PKP4: variants seen among roughly 807,000 people sequenced by gnomAD.
PKP4 encodes the protein plakophilin 4.
A neutral mutation model predicts 145.1 loss-of-function variants in PKP4; 90 were observed. The observed-to-expected ratio is 0.62, with a 90% CI of 0.52 to 0.74. The LOEUF (loss-of-function observed/expected upper bound fraction) is 0.74. Ranked by LOEUF, PKP4 falls within the 30% of genes least tolerant of loss-of-function variation. The pLI, the probability that PKP4 is intolerant of heterozygous loss-of-function variation, is 0.00. For synonymous variants in PKP4, 563 were observed against 577.2 expected (o/e 0.98, Z 0.35); for missense variants, 1,340 against 1,482.7 (o/e 0.90, Z 1.58).
intron 17 of PKP4, among the ~76,000 whole-genome samples, chr2:158,670,986 A>G (rs2057507757): frequency 6.6e-6 from 1 of 152,152 alleles, no homozygotes; most frequent in Non-Finnish European, 1.5e-5. Context: ...CCACAGTAGC[A>G]TGGCAGCCCT....
At chr2:158,504,336 G>T (rs1367780399) in intron 1 of PKP4, among the ~76,000 whole-genome samples, 1 of 152,172 alleles carries the variant, frequency 6.6e-6, no homozygotes, top group Non-Finnish European at 1.5e-5. Flanking sequence ...ATGCTGGAAT[G>T]AACAAATGAA....
intron 16 of PKP4, among the ~76,000 whole-genome samples, chr2:158,668,795 GTCT>G (rs1391553821): frequency 2.0e-5 from 3 of 152,150 alleles, no homozygotes; most frequent in Admixed American, 6.5e-5. Flanking sequence ...GCTGAGACCT[GTCT>G]TCTTCTGCTT....
chr2:158,537,655 A>G (rs920612014), intron 2 of PKP4, among the ~76,000 whole-genome samples: 3 of 152,200 alleles, frequency 2.0e-5, no homozygotes. Flanking sequence ...GAAAGGAGGA[A>G]TCTCCTAATA....
intron 2 of PKP4, among the ~76,000 whole-genome samples, chr2:158,546,239 CT>C (rs1319417374): frequency 6.6e-6 from 1 of 152,078 alleles, no homozygotes; most frequent in African/African-American, 2.4e-5. Flanking sequence ...GCCATATGTT[CT>C]TTTCCCAATT....
chr2:158,663,157 C>T (rs1490446865), intron 14 of PKP4, 69 bp downstream of exon 14: 3 of 1,509,254 alleles, frequency 2.0e-6, no homozygotes, highest in Non-Finnish European at 2.7e-6. Context: ...ACATATTTGG[C>T]AAGAAAATAA....
intron 3 of PKP4, among the ~76,000 whole-genome samples, chr2:158,578,727 T>C (rs537077278): frequency 1.3e-5 from 2 of 152,204 alleles, no homozygotes; most frequent in Non-Finnish European, 2.9e-5. Flanking sequence ...GTACTTCTTA[T>C]TCTGGCAATA....
intron 2 of PKP4, chr2:158,533,663 G>T: frequency 2.8e-6 from 1 of 360,972 alleles, no homozygotes; most frequent in Non-Finnish European, 5.4e-6. Context: ...GGCAACCTGA[G>T]GCCTGTAATA....
chr2:158,571,137 C>T (rs1427209874), intron 2 of PKP4, among the ~76,000 whole-genome samples: 1 of 152,102 alleles, frequency 6.6e-6, no homozygotes, highest in Non-Finnish European at 1.5e-5. Flanking sequence ...TCTTAATTGT[C>T]GTCATCATAA....
At chr2:158,574,524 C>T (rs1181045635) in intron 2 of PKP4, among the ~76,000 whole-genome samples, 1 of 152,178 alleles carries the variant, frequency 6.6e-6, no homozygotes, top group Non-Finnish European at 1.5e-5. Context: ...CCAGTAGAGA[C>T]TGAATTATCA....
At chr2:158,639,970 AACT>A (rs531839600) in intron 9 of PKP4, among the ~76,000 whole-genome samples, 89 of 152,350 alleles carry the variant, frequency 5.8e-4, no homozygotes, top group Non-Finnish European at 1.1e-3. Context: ...ATGAAATATT[AACT>A]ACTATTTAAT....
At chr2:158,473,385 G>A (rs1691911791) in intron 1 of PKP4, among the ~76,000 whole-genome samples, 1 of 152,114 alleles carries the variant, frequency 6.6e-6, no homozygotes, top group Admixed American at 6.5e-5. Flanking sequence ...ACTATTCATA[G>A]TAACAAAGAC....
At chr2:158,521,329 A>G (rs1243765665) in intron 1 of PKP4, among the ~76,000 whole-genome samples, 2 of 152,192 alleles carry the variant, frequency 1.3e-5, no homozygotes, top group African/African-American at 4.8e-5. Flanking sequence ...AAGGTTGAGA[A>G]CTTCATTATT....
intron 4 of PKP4, among the ~76,000 whole-genome samples, 182 bp from the exon 5 acceptor site, chr2:158,620,808 G>A (rs977876178): frequency 2.6e-5 from 4 of 152,198 alleles, no homozygotes; most frequent in Non-Finnish European, 4.4e-5. Context: ...ATATATTAAT[G>A]AAGTATAAGT....
intron 1 of PKP4, among the ~76,000 whole-genome samples, chr2:158,520,265 TA>T (rs1384030733): frequency 6.6e-6 from 1 of 152,194 alleles, no homozygotes. Context: ...TGTTATATGT[TA>T]ACCGTGTGTT....
At chr2:158,668,779 C>T (rs1388328913) in intron 16 of PKP4, among the ~76,000 whole-genome samples, 2 of 152,222 alleles carry the variant, frequency 1.3e-5, no homozygotes, top group Non-Finnish European at 2.9e-5. Flanking sequence ...CATCACACAG[C>T]ATGTAGCTGA....
At chr2:158,603,784 C>G (rs950140486) in intron 4 of PKP4, among the ~76,000 whole-genome samples, 14 of 152,198 alleles carry the variant, frequency 9.2e-5, no homozygotes, top group Non-Finnish European at 1.5e-4. Context: ...ATGGAGCTTA[C>G]ATCGTAATCA....
chr2:158,650,709 G>A (rs76017806), intron 11 of PKP4, among the ~76,000 whole-genome samples: 1,717 of 152,312 alleles, frequency 0.011, 29 homozygotes, highest in African/African-American at 0.038. Flanking sequence ...TTCCCACTGC[G>A]CTGAAAGCTG....
chr2:158,605,714 T>G (rs1171079874), intron 4 of PKP4, among the ~76,000 whole-genome samples: 1 of 152,200 alleles, frequency 6.6e-6, no homozygotes, highest in Non-Finnish European at 1.5e-5. Flanking sequence ...TATTCTGACT[T>G]GTGCATCTAT....
At chr2:158,519,262 G>T (rs1230909315) in intron 1 of PKP4, among the ~76,000 whole-genome samples, 2 of 151,738 alleles carry the variant, frequency 1.3e-5, no homozygotes, top group Non-Finnish European at 2.9e-5. Context: ...TTTTTATCCT[G>T]TAGCTTTTTC....
Sources: allele counts gnomAD v4.1 joint callset (sites outside exome capture counted in the v4.1 genomes callset), GRCh38; gene constraint gnomAD v4.1.1; transcripts MANE v1.5; gene names NCBI Gene and HGNC (gene_info 2026-07-23, HGNC 2026-07-21).